The following DIP2C variants were observed in gnomAD, a reference collection of about 807,000 sequenced individuals.
DIP2C encodes disco-interacting protein 2 homolog C.
In DIP2C, 33 loss-of-function variants were observed where a neutral mutation model predicts 192.4. The ratio of observed to expected loss-of-function variants is 0.17; its 90% CI spans 0.13 to 0.23. The LOEUF (loss-of-function observed/expected upper bound fraction) is 0.23. Ranked by LOEUF, DIP2C falls within the 10% of genes least tolerant of loss-of-function variation. The pLI is 1.00. For missense variants in DIP2C, 1,537 were observed against 2,110.1 expected, an observed-to-expected ratio of 0.73 and a Z score of 5.32; for synonymous variants, 979 against 864.1, an observed-to-expected ratio of 1.13 and a Z score of -2.33.
chr10:503,567 C>T (rs368034870), intron 1 of DIP2C, among the ~76,000 whole-genome samples: 5 of 152,332 alleles, frequency 3.3e-5, no homozygotes, highest in South Asian at 2.1e-4. Flanking sequence ...TCTGAGAGCA[C>T]CACCTGACCA....
rs571038955 is a variant in DIP2C, at chr10:364,239, T to G, written c.2477+135A>C. The G allele has an allele frequency of 4.1e-5, 41 of 995,554 alleles. No homozygotes were observed. In the African/African-American group the frequency reaches 6.0e-4, roughly 15 times the overall value. The allele number at this position is 995,554 out of a possible 1,614,324, so 61.7% of individuals were successfully genotyped here. A position where few individuals can be genotyped will look rare whatever the true frequency, so the allele number is the denominator to read the frequency against. On this transcript the variant is annotated intron_variant, in intron 20 of 36. Transcript: ENST00000280886. ...TTAAATCTCAGAGGTCAGAGTCCAG[T>G]TGCTTCAATAACATGGAAGAGGAAA...
intron 1 of DIP2C, chr10:650,147 G>C: frequency 1.4e-6 from 1 of 717,446 alleles, no homozygotes; most frequent in South Asian, 1.5e-5. Context: ...CCCCCCAGGA[G>C]AGAGAAGACC....
At position 472,481 on chromosome 10, in the gene DIP2C, G is replaced by C; in HGVS notation, c.226C>G (p.Arg76Gly). The C allele has an allele frequency of 3.7e-6, 6 of 1,614,188 alleles. No individual in the cohort carries two copies. The highest frequency in any genetic ancestry group is 5.1e-6 in the Non-Finnish European group (6 of 1,180,044). Residue 76 changes from arginine (R) to glycine (G), a missense_variant, in exon 3 of 37, where the codon CGC becomes GGC. Arg to Gly is a moderately radical substitution (Grantham distance 125). Coordinates refer to ENST00000280886, the MANE Select transcript of DIP2C (RefSeq NM_014974.3). ...TCTCGTGACCCTGAAGACCGTCGGC[G>C]GTGGTAGCGAGAGGCGGAGGAAGGA... ...VTPSSASRYH[R>G]RRSSGSRDER...
chr10:335,554 G>A (rs1465426760), intron 29 of DIP2C, among the ~76,000 whole-genome samples: 5 of 152,230 alleles, frequency 3.3e-5, no homozygotes, highest in Non-Finnish European at 7.3e-5. Context: ...TGACTCTCAC[G>A]ACACCAGGCT....
In DIP2C at chr10:505,105, G is replaced by A. The variant is rs769662164; in HGVS notation, c.86-18575C>T. On this transcript the variant is annotated intron_variant, in intron 1 of 36. Coordinates refer to ENST00000280886, the MANE Select transcript of DIP2C (RefSeq NM_014974.3). ...ATTACTGCAGCCCAGCACCCTTCCC[G>A]GAACCGTGTGCATCTCCCCAAAAGA... 2.5e-4 allele frequency among the ~76,000 whole-genome samples: 38 copies of A among 152,224 alleles called. 2 individuals carry two copies. The highest frequency in any genetic ancestry group is 1.5e-3 in the South Asian group (7 of 4,822).
chr10:622,762 G>A (rs1853953200), intron 1 of DIP2C, among the ~76,000 whole-genome samples: 1 of 152,064 alleles, frequency 6.6e-6, no homozygotes, highest in Non-Finnish European at 1.5e-5. Context: ...ACTTGCTCAG[G>A]GACTGGCTTC....
chr10:413,571 G>A (rs1965326039), intron 8 of DIP2C, among the ~76,000 whole-genome samples: 1 of 152,184 alleles, frequency 6.6e-6, no homozygotes, highest in African/African-American at 2.4e-5. Context: ...TTCCTAAAGA[G>A]TTTCTTGAGA....
At chr10:400,036 C>T (rs1964292375) in intron 9 of DIP2C, among the ~76,000 whole-genome samples, 1 of 152,178 alleles carries the variant, frequency 6.6e-6, no homozygotes, top group African/African-American at 2.4e-5. Context: ...TTGGTACCTA[C>T]TAATAGATAT....
At chr10:514,845 G>C (rs962614150) in intron 1 of DIP2C, among the ~76,000 whole-genome samples, 8 of 152,120 alleles carry the variant, frequency 5.3e-5, no homozygotes, top group African/African-American at 1.9e-4. Context: ...TCCTGTGCTT[G>C]GAGGATTTAT....
At chr10:631,609 A>G (rs1440315363) in intron 1 of DIP2C, among the ~76,000 whole-genome samples, 3 of 152,208 alleles carry the variant, frequency 2.0e-5, no homozygotes, top group Admixed American at 2.0e-4. Context: ...CTGAAAGGAA[A>G]CGCTAAAGAT....
intron 18 of DIP2C, 100 bp downstream of exon 18, chr10:369,394 C>T: frequency 3.5e-6 from 5 of 1,433,702 alleles, no homozygotes; most frequent in Middle Eastern, 2.1e-4. Flanking sequence ...TGAGGGCACA[C>T]CACGGGAACG....
chr10:562,674 C>T (rs1849283959), intron 1 of DIP2C, among the ~76,000 whole-genome samples: 1 of 152,228 alleles, frequency 6.6e-6, no homozygotes, highest in South Asian at 2.1e-4. Flanking sequence ...ACAGGGTCTG[C>T]ATGGCCAGTT....
At chr10:484,153 C>T (rs1843825613) in intron 2 of DIP2C, among the ~76,000 whole-genome samples, 1 of 152,198 alleles carries the variant, frequency 6.6e-6, no homozygotes, top group Non-Finnish European at 1.5e-5. Flanking sequence ...ACCCTGAACA[C>T]GAACCTAAAA....
intron 2 of DIP2C, among the ~76,000 whole-genome samples, chr10:476,779 C>G (rs887993703): frequency 2.6e-5 from 4 of 152,166 alleles, no homozygotes; most frequent in Admixed American, 1.3e-4. Flanking sequence ...CAGGAAGAAG[C>G]ATTTTTGGAA....
intron 1 of DIP2C, among the ~76,000 whole-genome samples, chr10:509,128 C>T (rs543492454): frequency 2.6e-5 from 4 of 152,304 alleles, no homozygotes; most frequent in East Asian, 1.9e-4. Context: ...AGGACACTCA[C>T]GATGCTTGAC....
intron 34 of DIP2C, among the ~76,000 whole-genome samples, chr10:284,479 T>C (rs1266523448): frequency 6.6e-6 from 1 of 152,194 alleles, no homozygotes; most frequent in Non-Finnish European, 1.5e-5. Context: ...GACGTTGTGC[T>C]GAGTGAGAAG....
At chr10:507,224 C>T (rs1195131566) in intron 1 of DIP2C, among the ~76,000 whole-genome samples, 1 of 151,558 alleles carries the variant, frequency 6.6e-6, no homozygotes, top group Non-Finnish European at 1.5e-5. Context: ...TGGTCACCCG[C>T]TGTGCACAGA....
chr10:286,267 A>G lies in DIP2C; in HGVS notation c.4119+6T>C, dbSNP rs113452769. The G allele has an allele frequency of 1.1e-3, 1,703 of 1,613,878 alleles. 13 individuals carry two copies. The African/African-American group carries it at 0.02, about 19-fold the overall frequency. ...TAACCTGGATCTCGGAGGACACTCA[A>G]CTCACCTCTCCAAGGTGTGAGTCCC... is the stretch of plus-strand genomic sequence containing the variant. On this transcript the variant is annotated splice_donor_region_variant and intron_variant, in intron 34 of 36. Transcript: ENST00000280886.
intron 1 of DIP2C, among the ~76,000 whole-genome samples, chr10:573,246 A>G (rs550977113): frequency 6.6e-6 from 1 of 152,334 alleles, no homozygotes; most frequent in South Asian, 2.1e-4. Flanking sequence ...GATGATCAAG[A>G]GAAGCCTACT....
Sources: gnomAD v4.1 joint callset for allele counts (sites outside exome capture counted in the v4.1 genomes callset) on GRCh38, gnomAD v4.1.1 for gene constraint, MANE v1.5 for transcripts, NCBI Gene and HGNC (gene_info 2026-07-23, HGNC 2026-07-21) for gene names.